BAZ2B: variants seen among roughly 807,000 people sequenced by gnomAD.
BAZ2B encodes bromodomain adjacent to zinc finger domain protein 2B.
A neutral mutation model predicts 246.0 loss-of-function variants in BAZ2B; 91 were observed. The ratio of observed to expected loss-of-function variants is 0.37; its 90% confidence interval spans 0.31 to 0.44. The LOEUF is 0.44. BAZ2B is among the 20% of genes least tolerant of loss of function. The pLI is 1.00. For synonymous variants in BAZ2B, 855 were observed against 860.0 expected, an observed-to-expected ratio of 0.99 and a Z score of 0.10; for missense variants, 2,332 against 2,533.7, an observed-to-expected ratio of 0.92 and a Z score of 1.71.
intron 6 of BAZ2B, among the ~76,000 whole-genome samples, chr2:159,440,012 T>C (rs556651838): frequency 6.6e-6 from 1 of 152,034 alleles, no homozygotes; most frequent in East Asian, 1.9e-4. Context: ...ATAATAGTAG[T>C]GGACAAAAAG....
At chr2:159,590,889 A>G (rs941166715) in intron 1 of BAZ2B, among the ~76,000 whole-genome samples, 1 of 152,208 alleles carries the variant, frequency 6.6e-6, no homozygotes, top group Non-Finnish European at 1.5e-5. Flanking sequence ...GCTTCTAACT[A>G]GCCTTTAGGA....
the BAZ2B span, among the ~76,000 whole-genome samples, chr2:159,682,909 TC>T: frequency 1.7e-4 from 23 of 131,710 alleles, 1 homozygote; most frequent in African/African-American, 4.3e-4. Context: ...CTGCCACCCC[TC>T]CCCCCCCCCA....
chr2:159,663,450 G>C, the BAZ2B span, among the ~76,000 whole-genome samples: 1 of 151,274 alleles, frequency 6.6e-6, no homozygotes. Context: ...TGATCCTCCC[G>C]CCTTGGCCTC....
chr2:159,676,016 C>T, the BAZ2B span, among the ~76,000 whole-genome samples: 2 of 152,202 alleles, frequency 1.3e-5, no homozygotes, highest in Admixed American at 6.5e-5. Context: ...CTGCCTCAGT[C>T]TCCCGAGTAG....
chr2:159,336,909 T>C, intron 33 of BAZ2B, 33 bp downstream of exon 33: 1 of 1,512,878 alleles, frequency 6.6e-7, no homozygotes, highest in Non-Finnish European at 9.0e-7. Flanking sequence ...CAAAGTAAAT[T>C]AGTTATAATA....
At chr2:159,655,982 T>C in the BAZ2B span, among the ~76,000 whole-genome samples, 2 of 152,126 alleles carry the variant, frequency 1.3e-5, no homozygotes, top group African/African-American at 4.8e-5. Context: ...TTTCTAGTGA[T>C]AGTTTTATTT....
chr2:159,686,316 TA>T, the BAZ2B span, among the ~76,000 whole-genome samples: 1 of 152,216 alleles, frequency 6.6e-6, no homozygotes, highest in East Asian at 1.9e-4. Context: ...TATCAAGGTT[TA>T]CCTCACCAGA....
At chr2:159,701,337 T>A in the BAZ2B span, among the ~76,000 whole-genome samples, 1 of 152,016 alleles carries the variant, frequency 6.6e-6, no homozygotes, top group Non-Finnish European at 1.5e-5. Flanking sequence ...TTATTTTTCT[T>A]CTCATTAATT....
At chr2:159,352,426 C>T (rs1284830982) in intron 27 of BAZ2B, among the ~76,000 whole-genome samples, 1 of 151,864 alleles carries the variant, frequency 6.6e-6, no homozygotes, top group Non-Finnish European at 1.5e-5. Context: ...ATTACCTTCC[C>T]TCCCACGTAC....
chr2:159,583,106 T>C (rs1476122443), intron 1 of BAZ2B, among the ~76,000 whole-genome samples: 2 of 112,792 alleles, frequency 1.8e-5, no homozygotes, highest in African/African-American at 3.3e-5. Flanking sequence ...TATTCTTTTT[T>C]CTTTTCTTTT....
the BAZ2B span, among the ~76,000 whole-genome samples, chr2:159,698,827 T>C: frequency 1.3e-5 from 2 of 152,206 alleles, no homozygotes; most frequent in Non-Finnish European, 2.9e-5. Flanking sequence ...TTTCTAATAG[T>C]TATAAATATT....
the BAZ2B span, among the ~76,000 whole-genome samples, chr2:159,702,744 T>C: frequency 6.6e-6 from 1 of 152,088 alleles, no homozygotes; most frequent in African/African-American, 2.4e-5. Flanking sequence ...AAAAACATGT[T>C]TAAAACTTTC....
At chr2:159,364,331 C>A (rs1207452792) in intron 27 of BAZ2B, among the ~76,000 whole-genome samples, 2 of 152,096 alleles carry the variant, frequency 1.3e-5, no homozygotes, top group South Asian at 4.1e-4. Flanking sequence ...GGCTTTTGGA[C>A]CTTTTGCGTG....
the BAZ2B span, among the ~76,000 whole-genome samples, chr2:159,650,229 G>A: frequency 1.4e-5 from 2 of 146,304 alleles, no homozygotes; most frequent in South Asian, 4.3e-4. Context: ...TTCCATGCCT[G>A]CTAGTTTTTT....
At chr2:159,459,219 A>G (rs183895636) in intron 3 of BAZ2B, 31 of 152,326 alleles carry the variant, frequency 2.0e-4, no homozygotes, top group African/African-American at 5.8e-4. Context: ...GTTATGAAGG[A>G]AACAGCCATT....
the BAZ2B span, among the ~76,000 whole-genome samples, chr2:159,653,768 A>C: frequency 6.6e-6 from 1 of 152,198 alleles, no homozygotes; most frequent in Non-Finnish European, 1.5e-5. Flanking sequence ...ATTATTGACA[A>C]ACTCAAATAA....
Position 159,424,412 on chromosome 2 carries a change from A to G in BAZ2B, c.2466+3529T>C, listed in dbSNP as rs115668553. 5.5e-3 allele frequency among the ~76,000 whole-genome samples: 831 copies of G among 152,234 alleles called. 7 individuals carry two copies. The highest frequency in any genetic ancestry group is 9.7e-3 in the Non-Finnish European group (663 of 68,004). ...CTGGAAGGAATAAATCATTATCTCA[A>G]TAAACTAGAGAAAAACCCAGAATTC... On this transcript the variant is annotated intron_variant, in intron 13 of 36. Transcript: ENST00000392783.
the BAZ2B span, among the ~76,000 whole-genome samples, chr2:159,676,647 GCACACACACACA>G: frequency 1.3e-4 from 17 of 132,544 alleles, no homozygotes; most frequent in Non-Finnish European, 2.2e-4. Flanking sequence ...GTATCTAAAT[GCACACACACACA>G]CACACACACA....
chr2:159,624,328 G>C, the BAZ2B span, among the ~76,000 whole-genome samples: 1 of 152,360 alleles, frequency 6.6e-6, no homozygotes, highest in African/African-American at 2.4e-5. Context: ...TCCCAGCACA[G>C]TGTTCAAGCT....
Sources: allele counts gnomAD v4.1 joint callset (sites outside exome capture counted in the v4.1 genomes callset), GRCh38; gene constraint gnomAD v4.1.1; transcripts MANE v1.5; gene names NCBI Gene and HGNC (gene_info 2026-07-23, HGNC 2026-07-21).